SLC26A8: variants seen among roughly 807,000 people sequenced by gnomAD.
The protein encoded by SLC26A8 is solute carrier family 26 member 8.
SLC26A8 carries 70 observed loss-of-function variants against 105.0 expected under a neutral mutation model. The observed-to-expected ratio is 0.67, with a 90% confidence interval of 0.55 to 0.81. SLC26A8 has a LOEUF of 0.81. Among genes scored for constraint, SLC26A8 ranks in the 40% least tolerant of loss-of-function variants. SLC26A8 has a pLI of 0.00. For synonymous variants in SLC26A8, 415 were observed against 438.3 expected (o/e 0.95, Z 0.66); for missense variants, 998 against 1,181.8 (o/e 0.84, Z 2.28).
At chr6:35,952,630 C>T (rs1771918308) in intron 17 of SLC26A8, among the ~76,000 whole-genome samples, 1 of 152,094 alleles carries the variant, frequency 6.6e-6, no homozygotes, top group Non-Finnish European at 1.5e-5. Context: ...TGGCAAAGGG[C>T]CACAACAGAC....
At chr6:35,957,597 G>A (rs990409314) in intron 16 of SLC26A8, among the ~76,000 whole-genome samples, 1 of 144,778 alleles carries the variant, frequency 6.9e-6, no homozygotes, top group Non-Finnish European at 1.5e-5. Flanking sequence ...GGAATTCTCT[G>A]AGAGCCACCT....
chr6:36,004,467 AT>A (rs1562065406), intron 3 of SLC26A8, among the ~76,000 whole-genome samples: 3 of 151,784 alleles, frequency 2.0e-5, no homozygotes, highest in South Asian at 2.1e-4. Context: ...CCTTTTTAAA[AT>A]TTTTTTTGCT....
At chr6:35,959,919 T>G (rs1429484343) in intron 14 of SLC26A8, 113 bp from the exon 15 acceptor site, 1 of 853,892 alleles carries the variant, frequency 1.2e-6, no homozygotes, top group African/African-American at 1.8e-5. Flanking sequence ...TATTTTTTTA[T>G]TTTTTTTGAG....
intron 7 of SLC26A8, among the ~76,000 whole-genome samples, chr6:35,987,363 T>C (rs940128658): frequency 1.3e-5 from 2 of 152,144 alleles, no homozygotes; most frequent in African/African-American, 4.8e-5. Flanking sequence ...TAATTTCACC[T>C]AGGGATTCCA....
intron 5 of SLC26A8, among the ~76,000 whole-genome samples, chr6:35,995,849 G>A (rs1475457281): frequency 6.6e-6 from 1 of 152,066 alleles, no homozygotes; most frequent in East Asian, 1.9e-4. Context: ...AGGCTTGAAG[G>A]AGAAGAGAAA....
rs775771188 is a variant in SLC26A8, at chr6:35,991,643, C to T, written c.942+16G>A. On this transcript the variant is annotated intron_variant, in intron 7 of 19. Coordinates refer to ENST00000490799, the MANE Select transcript of SLC26A8 (RefSeq NM_052961.4). ...AATTATGCAAACTATGAATTTGAGA[C>T]ATCAAAAACACCTACCAGAAATAAT... is the stretch of plus-strand genomic sequence containing the variant. 6 of 1,516,590 alleles carry T rather than the reference C, an allele frequency of 4.0e-6. No individual in the cohort carries two copies. The highest frequency in any genetic ancestry group is 1.4e-5 in the African/African-American group (1 of 70,800). 93.9% of individuals were successfully genotyped at this position (1,516,590 alleles called of 1,614,324 possible).
chr6:36,001,765 A>G (rs1239732170), intron 3 of SLC26A8, among the ~76,000 whole-genome samples: 3 of 152,210 alleles, frequency 2.0e-5, no homozygotes, highest in Non-Finnish European at 4.4e-5. Flanking sequence ...ATTGGGCCCA[A>G]CACATATAGT....
Position 36,000,081 on chromosome 6 carries a change from T to C in SLC26A8, c.356A>G (p.Gln119Arg). The C allele has an allele frequency of 6.2e-7, 1 of 1,614,058 alleles. No homozygotes were observed. The highest frequency in any genetic ancestry group is 8.5e-7 in the Non-Finnish European group (1 of 1,179,950). The change falls in exon 4 of 20, where the codon CAA becomes CGA. Residue 119 changes from glutamine (Q) to arginine (R), a missense_variant. Physicochemically the swap from Gln to Arg is conservative, Grantham distance 43 (BLOSUM62 1). Coordinates refer to ENST00000490799, the MANE Select transcript of SLC26A8 (RefSeq NM_052961.4). ...QGLTLSLLAR[Q>R]LIPPLNIAYA... ...AGCGATGTTGAGAGGAGGAATCAGT[T>C]GCCTTGCCAGCAAACTAAGTGTCAG...
intron 10 of SLC26A8, 32 bp downstream of exon 10, chr6:35,975,343 T>C (rs1221721542): frequency 8.1e-7 from 1 of 1,232,812 alleles, no homozygotes; most frequent in Non-Finnish European, 1.2e-6. Flanking sequence ...AATATGTTTA[T>C]GTATTAGAGA....
intron 5 of SLC26A8, among the ~76,000 whole-genome samples, chr6:35,997,416 C>A (rs561704360): frequency 3.3e-5 from 5 of 152,186 alleles, no homozygotes; most frequent in African/African-American, 1.2e-4. Context: ...AAATTGTCTT[C>A]TTTTGCAACT....
In SLC26A8 at chr6:35,955,366, T is replaced by G; in HGVS notation, c.2018A>C (p.Gln673Pro). 6.2e-7 allele frequency: 1 copy of G among 1,614,220 alleles called. No individual in the cohort carries two copies. Among genetic ancestry groups the G allele is most frequent in the Non-Finnish European group, 8.5e-7 (1 of 1,180,036 alleles). ...YTVSSVSQKN[Q>P]GQQYEEVEEV... Reference sequence around the variant, plus strand: ...CTCCACCTCCTCATACTGTTGCCCTTGATTTTTCTGAGACACGGACGATAC... The same window carrying G: ...CTCCACCTCCTCATACTGTTGCCCTGGATTTTTCTGAGACACGGACGATAC... The change falls in exon 17 of 20, where the codon CAA (glutamine) becomes CCA (proline). Residue 673 changes from glutamine to proline, a missense_variant. Physicochemically the swap from Gln to Pro is moderately conservative, Grantham distance 76. Coordinates refer to ENST00000490799, the MANE Select transcript of SLC26A8 (RefSeq NM_052961.4).
In SLC26A8 at chr6:35,959,360, CA is replaced by C. The variant is rs1772218197; in HGVS notation, c.1863+99del. The C allele has an allele frequency of 5.2e-6, 7 of 1,346,828 alleles. No homozygotes were observed. The South Asian group carries it at 1.1e-4, about 22-fold the overall frequency. 83.4% of individuals were successfully genotyped at this position (1,346,828 alleles called of 1,614,324 possible). Reference sequence around the variant, plus strand: ...AATTCTTCATGGTCCATCTAAAAGTCAAAATCCCTTAGAGGTTTTGATTTTT... The same window carrying C: ...AATTCTTCATGGTCCATCTAAAAGTCAAATCCCTTAGAGGTTTTGATTTTT... On this transcript the variant is annotated intron_variant, in intron 16 of 19. Transcript: ENST00000490799.
chr6:36,009,255 G>A (rs1761777968), intron 3 of SLC26A8, among the ~76,000 whole-genome samples: 1 of 152,146 alleles, frequency 6.6e-6, no homozygotes, highest in African/African-American at 2.4e-5. Flanking sequence ...GGAGGCTGAG[G>A]CAGGAGAATT....
At chr6:35,952,260 G>A (rs957027557) in intron 17 of SLC26A8, among the ~76,000 whole-genome samples, 5 of 152,184 alleles carry the variant, frequency 3.3e-5, no homozygotes, top group African/African-American at 1.2e-4. Flanking sequence ...GAGGAAGCAA[G>A]ATGTGGCTCA....
intron 3 of SLC26A8, among the ~76,000 whole-genome samples, chr6:36,011,938 C>T (rs1026803299): frequency 1.1e-4 from 17 of 152,158 alleles, no homozygotes; most frequent in African/African-American, 3.1e-4. Context: ...AAAACCAATG[C>T]CAAGTGAGAT....
rs149012546 is a variant in SLC26A8 at position 35,990,361 on chromosome 6, A to G, written c.942+1298T>C. On this transcript the variant is annotated intron_variant, in intron 7 of 19. Transcript: ENST00000490799. Reference sequence around the variant, plus strand: ...TTGAACAAGATGTTCAAATCTTCCAATTGTTTCTCCATGAACATCATATGT... The same window carrying G: ...TTGAACAAGATGTTCAAATCTTCCAGTTGTTTCTCCATGAACATCATATGT... 1,179 of 261,178 alleles carry G rather than the reference A, an allele frequency of 4.5e-3. 8 individuals carry two copies. The highest frequency in any genetic ancestry group is 7.4e-3 in the Admixed American group (143 of 19,450). The allele number at this position is 261,178 out of a possible 1,614,324, so 16.2% of individuals were successfully genotyped here.
Position 35,992,541 on chromosome 6 carries a change from C to G in SLC26A8, c.761G>C (p.Ser254Thr). ...QLTFIFGIMI[S>T]FHAGPISFFY... ...GAAGGAGATGGGACCGGCATGGAAACTAATCATAATCCCAAAGATGAAAGT... is the reference window on the plus strand; with the variant it reads ...GAAGGAGATGGGACCGGCATGGAAAGTAATCATAATCCCAAAGATGAAAGT... Residue 254 changes from serine (S) to threonine (T), a missense_variant, in exon 6 of 20, where the codon AGT (serine) becomes ACT (threonine). Physicochemically the swap from Ser to Thr is moderately conservative, Grantham distance 58. Coordinates refer to ENST00000490799, the MANE Select transcript of SLC26A8 (RefSeq NM_052961.4). 1.9e-6 allele frequency: 3 copies of G among 1,613,814 alleles called. No individual in the cohort carries two copies. The highest frequency in any genetic ancestry group is 2.5e-6 in the Non-Finnish European group (3 of 1,179,938).
At chr6:36,019,414 C>A in intron 2 of SLC26A8, 106 bp downstream of exon 2, 1 of 1,225,496 alleles carries the variant, frequency 8.2e-7, no homozygotes, top group Non-Finnish European at 1.1e-6. Flanking sequence ...CTGCATGATT[C>A]TGATTACAGG....
Position 35,959,805 on chromosome 6 carries a change from A to T in SLC26A8, c.1640T>A (p.Ile547Asn), listed in dbSNP as rs1417546526. The part of the protein sequence containing the change: ...IYRSINDYRE[I>N]ITIPGVKIFQ... The stretch of plus-strand genomic sequence containing the variant: ...GATTTTCACCCCAGGAATGGTGATG[A>T]TCTGCAAGACAAAATGTGAAGTTGA... Residue 547 changes from isoleucine to asparagine, a missense_variant and splice_region_variant, in exon 15 of 20, where the codon ATC becomes AAC. Transcript: ENST00000490799. The T allele has an allele frequency of 1.2e-6, 2 of 1,605,434 alleles. No homozygotes were observed. The highest frequency in any genetic ancestry group is 1.7e-6 in the Non-Finnish European group (2 of 1,177,292).
Sources: gnomAD v4.1 joint callset for allele counts (sites outside exome capture counted in the v4.1 genomes callset) on GRCh38, gnomAD v4.1.1 for gene constraint, MANE v1.5 for transcripts, NCBI Gene and HGNC (gene_info 2026-07-23, HGNC 2026-07-21) for gene names.